TSGA10: variants seen among roughly 807,000 people sequenced by gnomAD.
TSGA10 encodes testis specific 10, also known as testis-specific gene 10 protein.
TSGA10 carries 43 observed loss-of-function variants against 96.6 expected under a neutral mutation model. The observed-to-expected ratio is 0.44, with a 90% CI of 0.35 to 0.57. The LOEUF (loss-of-function observed/expected upper bound fraction) is 0.57. Among genes scored for constraint, TSGA10 ranks in the 20% least tolerant of loss-of-function variants. TSGA10 has a pLI of 0.01. For synonymous variants in TSGA10, 229 were observed against 269.9 expected, an observed-to-expected ratio of 0.85 and a Z score of 1.48; for missense variants, 703 against 834.4, an observed-to-expected ratio of 0.84 and a Z score of 1.94.
chr2:99,129,804 C>T (rs190069293), intron 1 of TSGA10, among the ~76,000 whole-genome samples: 2 of 152,268 alleles, frequency 1.3e-5, no homozygotes, highest in Admixed American at 1.3e-4. Context: ...AACTCCCTGA[C>T]AGGCCCTGGT....
chr2:99,140,508 A>G (rs940336633), intron 1 of TSGA10, among the ~76,000 whole-genome samples: 2 of 152,024 alleles, frequency 1.3e-5, no homozygotes, highest in Non-Finnish European at 2.9e-5. Context: ...AAAAAACCAT[A>G]TTTCTGTGAG....
chr2:99,021,414 T>A (rs1023981132), intron 17 of TSGA10, among the ~76,000 whole-genome samples: 2 of 152,022 alleles, frequency 1.3e-5, no homozygotes, highest in African/African-American at 4.8e-5. Context: ...TCTACTAACA[T>A]AAAGAACGCA....
At chr2:99,101,149 C>A (rs1282123865) in intron 10 of TSGA10, among the ~76,000 whole-genome samples, 1 of 134,570 alleles carries the variant, frequency 7.4e-6, no homozygotes, top group African/African-American at 2.8e-5. Context: ...CCTGCTAAGG[C>A]AGGAGAATGG....
At chr2:99,088,473 T>TA (rs2088850992) in intron 10 of TSGA10, among the ~76,000 whole-genome samples, 1 of 152,198 alleles carries the variant, frequency 6.6e-6, no homozygotes, top group Non-Finnish European at 1.5e-5. Flanking sequence ...TCTTGGGACA[T>TA]ATCCCCCCTC....
At chr2:99,002,085 T>A (rs918743404) in intron 20 of TSGA10, among the ~76,000 whole-genome samples, 1 of 152,016 alleles carries the variant, frequency 6.6e-6, no homozygotes, top group African/African-American at 2.4e-5. Context: ...CAGGAGAACT[T>A]CCCCAATCTA....
intron 10 of TSGA10, among the ~76,000 whole-genome samples, chr2:99,099,993 T>C (rs2090508092): frequency 1.3e-5 from 2 of 152,164 alleles, no homozygotes; most frequent in South Asian, 4.1e-4. Flanking sequence ...AAGACCTCTC[T>C]ACACACAAAA....
At chr2:99,102,013 T>G in intron 10 of TSGA10, 1 of 1,245,432 alleles carries the variant, frequency 8.0e-7, no homozygotes, top group East Asian at 2.3e-5. Context: ...CTTAAAATTT[T>G]GTTAACAGAA....
At chr2:99,027,403 G>C (rs2080712079) in intron 17 of TSGA10, among the ~76,000 whole-genome samples, 1 of 152,178 alleles carries the variant, frequency 6.6e-6, no homozygotes, top group South Asian at 2.1e-4. Context: ...GATGGAGAAA[G>C]GGGAGATGTT....
chr2:99,056,387 C>T (rs899379967), intron 16 of TSGA10, among the ~76,000 whole-genome samples: 1 of 151,922 alleles, frequency 6.6e-6, no homozygotes, highest in Non-Finnish European at 1.5e-5. Context: ...AGTAATGTGA[C>T]CTTACTGAAA....
chr2:99,102,317 G>A, intron 10 of TSGA10: 2 of 1,611,684 alleles, frequency 1.2e-6, no homozygotes, highest in South Asian at 2.2e-5. Flanking sequence ...AAGGAGAAGG[G>A]AGTGGTGAGA....
At chr2:99,107,541 A>G (rs1395509775) in intron 7 of TSGA10, among the ~76,000 whole-genome samples, 1 of 152,188 alleles carries the variant, frequency 6.6e-6, no homozygotes, top group African/African-American at 2.4e-5. Context: ...CATTTAGTCC[A>G]GAAGTCAGCA....
At chr2:99,122,736 A>G (rs548917523) in intron 2 of TSGA10, among the ~76,000 whole-genome samples, 1 of 151,908 alleles carries the variant, frequency 6.6e-6, no homozygotes, top group South Asian at 2.1e-4. Flanking sequence ...GGCTGCAGTA[A>G]GCAGAGATGA....
chr2:99,002,304 A>G (rs61457624), intron 20 of TSGA10, among the ~76,000 whole-genome samples: 2,454 of 152,356 alleles, frequency 0.016, 56 homozygotes, highest in African/African-American at 0.056. Flanking sequence ...AAACTCCACA[A>G]GCCAGAAGAC....
At chr2:99,000,126 C>T (rs1428458887) in intron 20 of TSGA10, among the ~76,000 whole-genome samples, 3 of 152,068 alleles carry the variant, frequency 2.0e-5, no homozygotes, top group African/African-American at 7.2e-5. Context: ...AATCCTAGCA[C>T]TTTGGGAGGC....
intron 16 of TSGA10, among the ~76,000 whole-genome samples, chr2:99,036,560 A>G (rs2081646648): frequency 6.6e-6 from 1 of 152,168 alleles, no homozygotes; most frequent in African/African-American, 2.4e-5. Context: ...GAATTATATA[A>G]CATGCTCGAT....
intron 4 of TSGA10, among the ~76,000 whole-genome samples, chr2:99,114,336 T>A (rs1199553770): frequency 6.6e-6 from 1 of 152,180 alleles, no homozygotes; most frequent in East Asian, 1.9e-4. Flanking sequence ...GGAGTTCATA[T>A]CCCCAGTGTT....
At chr2:99,095,120 C>G (rs1421161146) in intron 10 of TSGA10, among the ~76,000 whole-genome samples, 1 of 152,034 alleles carries the variant, frequency 6.6e-6, no homozygotes, top group Non-Finnish European at 1.5e-5. Context: ...AACTGGAGAC[C>G]ATTATTCTAA....
chr2:99,130,656 C>G (rs62156395), intron 1 of TSGA10, among the ~76,000 whole-genome samples: 21,951 of 152,052 alleles, frequency 0.14, 1,920 homozygotes, highest in Non-Finnish European at 0.19. Flanking sequence ...TTTGGCTTTT[C>G]TTGCCATTGC....
chr2:99,132,502 T>C (rs894864908), intron 1 of TSGA10, among the ~76,000 whole-genome samples: 8 of 152,096 alleles, frequency 5.3e-5, no homozygotes, highest in East Asian at 1.9e-4. Flanking sequence ...ATTGTGTCTA[T>C]TTGATTCTTA....
Sources: gnomAD v4.1 joint callset for allele counts (sites outside exome capture counted in the v4.1 genomes callset) on GRCh38, gnomAD v4.1.1 for gene constraint, MANE v1.5 for transcripts, NCBI Gene and HGNC (gene_info 2026-07-23, HGNC 2026-07-21) for gene names.